Variants in OPCML observed in about 807,000 individuals in gnomAD.
OPCML encodes the protein opioid binding protein/cell adhesion molecule like.
In OPCML, 13 loss-of-function variants were observed where a neutral mutation model predicts 37.8. That is an observed-to-expected ratio of 0.34 (90% CI 0.22 to 0.55). OPCML has a LOEUF of 0.55. Ranked by LOEUF, OPCML falls within the 20% of genes least tolerant of loss-of-function variation. The pLI is 0.91. For synonymous variants in OPCML, 176 were observed against 168.8 expected (o/e 1.04, Z -0.33); for missense variants, 341 against 435.6 (o/e 0.78, Z 1.93).
chr11:132,631,858 C>T (rs902300238), intron 3 of OPCML, among the ~76,000 whole-genome samples: 3 of 152,140 alleles, frequency 2.0e-5, no homozygotes, highest in South Asian at 2.1e-4. Context: ...CAAGACGTAT[C>T]ATGGAGTATT....
chr11:132,630,151 G>T (rs1940003076), intron 3 of OPCML, among the ~76,000 whole-genome samples: 1 of 152,350 alleles, frequency 6.6e-6, no homozygotes. Flanking sequence ...CCTTAAGGCA[G>T]TGATTATACA....
In OPCML at chr11:133,212,887, C is replaced by T. The variant is rs1206747539; in HGVS notation, c.62-269877G>A. On this transcript the variant is annotated intron_variant, in intron 1 of 7. Coordinates refer to ENST00000524381, the MANE Select transcript of OPCML (RefSeq NM_001012393.5). This position sits in a 1 kb window ranked among gnomAD's most constrained non-coding sequence, Gnocchi z 4.9. The stretch of plus-strand genomic sequence containing the variant: ...CTCTAAAATTCCACGTTTGTATCTG[C>T]GTCATGCCGTTAAACCACACATCAA... Among the ~76,000 whole-genome samples the T allele has an allele frequency of 6.6e-6, 1 of 152,154 alleles. No individual in the cohort carries two copies. Among genetic ancestry groups the T allele is most frequent in the Non-Finnish European group, 1.5e-5 (1 of 68,050 alleles).
At chr11:132,475,511 A>T (rs2096152218) in intron 4 of OPCML, among the ~76,000 whole-genome samples, 1 of 152,098 alleles carries the variant, frequency 6.6e-6, no homozygotes, top group Admixed American at 6.5e-5. Flanking sequence ...ATCCAATCTG[A>T]CTGATGTCCT....
At chr11:133,501,764 A>G (rs1003943726) in intron 1 of OPCML, among the ~76,000 whole-genome samples, 2 of 151,738 alleles carry the variant, frequency 1.3e-5, no homozygotes, top group Admixed American at 1.3e-4. Flanking sequence ...TGCACTGGCC[A>G]TCTTCGACGT....
chr11:133,435,214 A>G (rs73604550), intron 1 of OPCML, among the ~76,000 whole-genome samples: 32,119 of 152,064 alleles, frequency 0.21, 6,460 homozygotes, highest in African/African-American at 0.52. Flanking sequence ...AGATTCATGA[A>G]TATGGGGATT....
At chr11:132,963,530 T>G (rs1946140352) in intron 1 of OPCML, among the ~76,000 whole-genome samples, 1 of 150,058 alleles carries the variant, frequency 6.7e-6, no homozygotes, top group African/African-American at 2.5e-5. Context: ...AGGCGGAGGT[T>G]GCAGTGAGCC....
chr11:133,419,808 A>C (rs1023413271), intron 1 of OPCML, among the ~76,000 whole-genome samples: 5 of 152,240 alleles, frequency 3.3e-5, no homozygotes, highest in Non-Finnish European at 7.3e-5. Context: ...TACATTGTGA[A>C]TAGCACAAAA....
chr11:133,308,909 A>C (rs1377291069), intron 1 of OPCML, among the ~76,000 whole-genome samples: 1 of 152,266 alleles, frequency 6.6e-6, no homozygotes, highest in African/African-American at 2.4e-5. Flanking sequence ...CAACTTGAAA[A>C]GTGAAAAAAT....
At chr11:132,703,027 T>A (rs1163565426) in intron 2 of OPCML, among the ~76,000 whole-genome samples, 1 of 152,190 alleles carries the variant, frequency 6.6e-6, no homozygotes, top group African/African-American at 2.4e-5. Context: ...ACAATTATTT[T>A]AAATTTTTTC....
intron 2 of OPCML, among the ~76,000 whole-genome samples, chr11:132,678,950 G>T (rs1320896487): frequency 1.3e-5 from 2 of 152,108 alleles, no homozygotes; most frequent in African/African-American, 4.8e-5. Context: ...GGGTGGTGAT[G>T]ATGGGGAGGC....
intron 2 of OPCML, among the ~76,000 whole-genome samples, chr11:132,684,019 A>C (rs1427141140): frequency 1.3e-5 from 2 of 152,188 alleles, no homozygotes; most frequent in East Asian, 3.9e-4. Flanking sequence ...TTTTAGTATT[A>C]GCACAGACAT....
At chr11:132,426,079 C>T (rs2095976821) in intron 7 of OPCML, among the ~76,000 whole-genome samples, 1 of 152,154 alleles carries the variant, frequency 6.6e-6, no homozygotes, top group South Asian at 2.1e-4. Context: ...TGAAGTTAAG[C>T]ATCTTTAAAA....
At chr11:133,019,052 G>A (rs1947397419) in intron 1 of OPCML, among the ~76,000 whole-genome samples, 1 of 152,196 alleles carries the variant, frequency 6.6e-6, no homozygotes, top group African/African-American at 2.4e-5. Context: ...GTTACTGTGA[G>A]TGATTATGAT....
intron 2 of OPCML, among the ~76,000 whole-genome samples, chr11:132,766,241 G>A (rs1167788756): frequency 6.6e-6 from 1 of 152,272 alleles, no homozygotes; most frequent in African/African-American, 2.4e-5. Flanking sequence ...ACCAGCTCAG[G>A]TGAGAATTAT....
intron 3 of OPCML, among the ~76,000 whole-genome samples, chr11:132,598,552 G>C (rs1355395597): frequency 6.6e-6 from 1 of 152,028 alleles, no homozygotes; most frequent in Non-Finnish European, 1.5e-5. Flanking sequence ...TTAGTTCTTA[G>C]CACTGCTAAG....
At chr11:133,219,640 T>G (rs894242315) in intron 1 of OPCML, among the ~76,000 whole-genome samples, 2 of 152,174 alleles carry the variant, frequency 1.3e-5, no homozygotes, top group Admixed American at 1.3e-4. Context: ...CTAACAAGCC[T>G]CCAGGCGCTG....
At chr11:132,708,394 A>G (rs1944122713) in intron 2 of OPCML, among the ~76,000 whole-genome samples, 1 of 152,208 alleles carries the variant, frequency 6.6e-6, no homozygotes. Flanking sequence ...TTTGCACAGA[A>G]GTGTCAAGAA....
At chr11:133,459,055 T>C (rs879180642) in intron 1 of OPCML, among the ~76,000 whole-genome samples, 8 of 151,974 alleles carry the variant, frequency 5.3e-5, no homozygotes, top group Middle Eastern at 3.2e-3. Context: ...TGTATAAAGA[T>C]GTAATTTGTG....
chr11:133,474,016 A>C (rs6590711), intron 1 of OPCML, among the ~76,000 whole-genome samples: 6 of 152,248 alleles, frequency 3.9e-5, no homozygotes. Context: ...TGACTAGCTA[A>C]GAATAGAAAT....
Sources: gnomAD v4.1 joint callset for allele counts (sites outside exome capture counted in the v4.1 genomes callset) on GRCh38, gnomAD v4.1.1 for gene constraint, Gnocchi (gnomAD v3.1) non-coding constraint, MANE v1.5 for transcripts, NCBI Gene and HGNC (gene_info 2026-07-23, HGNC 2026-07-21) for gene names.